RPS6KC1: variants seen among roughly 807,000 people sequenced by gnomAD.
RPS6KC1 encodes the protein ribosomal protein S6 kinase C1.
In RPS6KC1, 54 loss-of-function variants were observed where a neutral mutation model predicts 103.8. The observed-to-expected ratio is 0.52, with a 90% CI of 0.42 to 0.65. The LOEUF is 0.65. Ranked by LOEUF, RPS6KC1 falls within the 30% of genes least tolerant of loss-of-function variation. RPS6KC1 has a pLI of 0.00. For synonymous variants in RPS6KC1, 439 were observed against 438.7 expected, an observed-to-expected ratio of 1.00 and a Z score of -0.01; for missense variants, 1,151 against 1,253.8, an observed-to-expected ratio of 0.92 and a Z score of 1.24.
At chr1:213,195,478 A>G (rs768118892) in intron 8 of RPS6KC1, among the ~76,000 whole-genome samples, 6 of 152,032 alleles carry the variant, frequency 3.9e-5, no homozygotes, top group Non-Finnish European at 5.9e-5. Flanking sequence ...AATTATTTCA[A>G]TAGTTTTTGG....
intron 8 of RPS6KC1, among the ~76,000 whole-genome samples, chr1:213,198,781 G>A (rs1573208369): frequency 6.6e-6 from 1 of 151,964 alleles, no homozygotes; most frequent in Non-Finnish European, 1.5e-5. Flanking sequence ...AATTATATCA[G>A]TTATCTGCAA....
the RPS6KC1 span, among the ~76,000 whole-genome samples, chr1:213,852,441 A>G: frequency 4.5e-4 from 69 of 152,018 alleles, no homozygotes; most frequent in Non-Finnish European, 4.9e-4. Flanking sequence ...CCAACTATCT[A>G]GCAAACCATC....
At chr1:213,436,527 T>C in the RPS6KC1 span, among the ~76,000 whole-genome samples, 1 of 152,200 alleles carries the variant, frequency 6.6e-6, no homozygotes, top group Admixed American at 6.5e-5. Flanking sequence ...TTTAGAAACA[T>C]CAATTCCCAG....
the RPS6KC1 span, among the ~76,000 whole-genome samples, chr1:213,300,804 G>A: frequency 6.6e-6 from 1 of 152,194 alleles, no homozygotes; most frequent in Non-Finnish European, 1.5e-5. Context: ...CAGTTTAAAT[G>A]TTCGCCAAAT....
chr1:213,250,766 T>C (rs1338335665), intron 12 of RPS6KC1, among the ~76,000 whole-genome samples: 2 of 152,238 alleles, frequency 1.3e-5, no homozygotes, highest in African/African-American at 4.8e-5. Flanking sequence ...ATTCTCATAG[T>C]TGCTATGGCT....
the RPS6KC1 span, among the ~76,000 whole-genome samples, chr1:213,522,327 G>A: frequency 7.9e-5 from 12 of 152,220 alleles, no homozygotes; most frequent in Non-Finnish European, 1.8e-4. Flanking sequence ...AAACAGATGT[G>A]CTGTCATCTA....
intron 4 of RPS6KC1, 92 bp from the exon 5 acceptor site, chr1:213,117,225 C>G: frequency 4.6e-6 from 3 of 655,830 alleles, no homozygotes; most frequent in Non-Finnish European, 7.9e-6. Flanking sequence ...TTCTGTACAT[C>G]TTTACACATA....
the RPS6KC1 span, among the ~76,000 whole-genome samples, chr1:213,517,323 G>A: frequency 6.6e-6 from 1 of 151,796 alleles, no homozygotes; most frequent in Non-Finnish European, 1.5e-5. Context: ...GTGATGTTAG[G>A]GTGTCAATTT....
the RPS6KC1 span, among the ~76,000 whole-genome samples, chr1:213,302,948 C>T: frequency 6.6e-6 from 1 of 152,212 alleles, no homozygotes; most frequent in East Asian, 1.9e-4. Flanking sequence ...CATCTGACAG[C>T]TTGAGAGAAT....
chr1:213,172,357 G>T (rs1427457246), intron 7 of RPS6KC1, among the ~76,000 whole-genome samples: 1 of 152,184 alleles, frequency 6.6e-6, no homozygotes, highest in African/African-American at 2.4e-5. Context: ...ACTTTGGAAG[G>T]CTGAGGCAGG....
chr1:213,609,460 C>A, the RPS6KC1 span, among the ~76,000 whole-genome samples: 1 of 152,140 alleles, frequency 6.6e-6, no homozygotes, highest in African/African-American at 2.4e-5. Context: ...TGTCCACACC[C>A]GTGCAAACAG....
At chr1:213,240,295 A>T (rs1573533271) in intron 10 of RPS6KC1, among the ~76,000 whole-genome samples, 1 of 152,248 alleles carries the variant, frequency 6.6e-6, no homozygotes. Flanking sequence ...GCACTTATTT[A>T]TGTATTTCCA....
the RPS6KC1 span, among the ~76,000 whole-genome samples, chr1:213,844,585 GC>G: frequency 6.6e-6 from 1 of 152,106 alleles, no homozygotes; most frequent in African/African-American, 2.4e-5. Flanking sequence ...AACTATGTAA[GC>G]CCTGATATGG....
chr1:213,328,557 A>G, the RPS6KC1 span, among the ~76,000 whole-genome samples: 30 of 145,614 alleles, frequency 2.1e-4, no homozygotes, highest in African/African-American at 7.5e-5. Flanking sequence ...ACACACGTGC[A>G]CAAAGTCAGC....
At chr1:213,363,642 C>A in the RPS6KC1 span, among the ~76,000 whole-genome samples, 2 of 56,746 alleles carry the variant, frequency 3.5e-5, no homozygotes, top group Non-Finnish European at 6.3e-5. Flanking sequence ...TTCTTTCTTT[C>A]TTTCTTTCTT....
chr1:213,245,523 A>G (rs1573567667), intron 12 of RPS6KC1, among the ~76,000 whole-genome samples: 1 of 152,066 alleles, frequency 6.6e-6, no homozygotes, highest in South Asian at 2.1e-4. Flanking sequence ...TGCACCCTCT[A>G]CCCTGCCACT....
intron 8 of RPS6KC1, among the ~76,000 whole-genome samples, chr1:213,194,179 CTT>C (rs2148500240): frequency 6.6e-6 from 1 of 152,254 alleles, no homozygotes; most frequent in African/African-American, 2.4e-5. Flanking sequence ...TTTTCCATCT[CTT>C]TATTTTCCGC....
At chr1:213,516,660 A>G in the RPS6KC1 span, among the ~76,000 whole-genome samples, 3 of 152,144 alleles carry the variant, frequency 2.0e-5, no homozygotes, top group African/African-American at 4.8e-5. Context: ...TTTGGCATCG[A>G]TGTTCATCAG....
chr1:213,839,669 T>C, the RPS6KC1 span: 1 of 152,158 alleles, frequency 6.6e-6, no homozygotes. Context: ...TCTCCTCAGG[T>C]GTTCATTACC....
Sources: allele counts gnomAD v4.1 joint callset (sites outside exome capture counted in the v4.1 genomes callset), GRCh38; gene constraint gnomAD v4.1.1; transcripts MANE v1.5; gene names NCBI Gene and HGNC (gene_info 2026-07-23, HGNC 2026-07-21).